The following LYRM4 variants were observed in gnomAD, a reference collection of about 807,000 sequenced individuals.
The protein encoded by LYRM4 is LYR motif containing 4, also known as LYR motif-containing protein 4.
A neutral mutation model predicts 11.7 loss-of-function variants in LYRM4; 9 were observed. The ratio of observed to expected loss-of-function variants is 0.77; its 90% CI spans 0.46 to 1.34. LYRM4 has a LOEUF of 1.34. Ranked by LOEUF, LYRM4 falls within the 40% of genes most tolerant of loss-of-function variation. LYRM4 has a pLI of 0.00. For synonymous variants in LYRM4, 42 were observed against 40.4 expected (o/e 1.04, Z -0.15); for missense variants, 133 against 112.5 (o/e 1.18, Z -0.82).
chr6:5,137,043 G>A (rs866518555), intron 2 of LYRM4, among the ~76,000 whole-genome samples: 2 of 152,074 alleles, frequency 1.3e-5, no homozygotes, highest in Non-Finnish European at 2.9e-5. Flanking sequence ...TTTCTGTCTC[G>A]ATGCATTTGC....
chr6:5,175,886 G>A (rs1983982), intron 2 of LYRM4, among the ~76,000 whole-genome samples: 104,489 of 151,878 alleles, frequency 0.69, 36,056 homozygotes, highest in East Asian at 0.84. Context: ...CTGCTCTACA[G>A]CTGCTGCTGA....
intron 1 of LYRM4, among the ~76,000 whole-genome samples, chr6:5,226,201 T>C (rs1324934336): frequency 2.0e-5 from 3 of 152,204 alleles, no homozygotes; most frequent in Admixed American, 2.0e-4. Context: ...ACACATCATA[T>C]GTATAAAAGC....
chr6:5,113,295 C>G (rs181076589), intron 2 of LYRM4: 3 of 448,310 alleles, frequency 6.7e-6, no homozygotes, highest in South Asian at 3.2e-5. Context: ...CATGGTGGCA[C>G]GCGCCAATAA....
chr6:5,223,743 T>C (rs1368368662), intron 1 of LYRM4, among the ~76,000 whole-genome samples: 2 of 152,046 alleles, frequency 1.3e-5, no homozygotes, highest in Non-Finnish European at 2.9e-5. Context: ...AATAATTGAG[T>C]TTAATTGTTT....
chr6:5,259,939 C>T (rs1764909696), intron 1 of LYRM4, among the ~76,000 whole-genome samples: 1 of 152,086 alleles, frequency 6.6e-6, no homozygotes, highest in African/African-American at 2.4e-5. Context: ...CAATAAAAGA[C>T]TCATAGGCAA....
At chr6:5,166,245 G>A (rs976550659) in intron 2 of LYRM4, among the ~76,000 whole-genome samples, 12 of 152,210 alleles carry the variant, frequency 7.9e-5, no homozygotes, top group South Asian at 4.2e-4. Context: ...TTTGAAAGCC[G>A]TTCATAGAAA....
chr6:5,223,629 T>C (rs937600135), intron 1 of LYRM4, among the ~76,000 whole-genome samples: 2 of 152,224 alleles, frequency 1.3e-5, no homozygotes, highest in Non-Finnish European at 2.9e-5. Context: ...TCAACTCTGC[T>C]TCAAGTGTTC....
chr6:5,260,263 A>G (rs1376091968), intron 1 of LYRM4, among the ~76,000 whole-genome samples: 1 of 152,116 alleles, frequency 6.6e-6, no homozygotes, highest in Non-Finnish European at 1.5e-5. Flanking sequence ...TCCACTCTCA[A>G]CTCTTCCAGT....
At chr6:5,256,676 C>T (rs926893051) in intron 1 of LYRM4, among the ~76,000 whole-genome samples, 1 of 152,060 alleles carries the variant, frequency 6.6e-6, no homozygotes, top group Non-Finnish European at 1.5e-5. Flanking sequence ...GTGCTGACTA[C>T]TGCAGTGCTC....
intron 2 of LYRM4, among the ~76,000 whole-genome samples, chr6:5,110,555 G>C (rs541669173): frequency 6.6e-6 from 1 of 152,302 alleles, no homozygotes; most frequent in South Asian, 2.1e-4. Context: ...TAATAACTAA[G>C]TGTTGCGGTG....
intron 2 of LYRM4, among the ~76,000 whole-genome samples, chr6:5,190,436 CT>C (rs2127690258): frequency 6.6e-6 from 1 of 152,228 alleles, no homozygotes; most frequent in African/African-American, 2.4e-5. Flanking sequence ...CTAATAGGCT[CT>C]GGCATTAAAT....
chr6:5,180,213 C>A (rs2127676998), intron 2 of LYRM4, among the ~76,000 whole-genome samples: 1 of 152,308 alleles, frequency 6.6e-6, no homozygotes, highest in East Asian at 1.9e-4. Flanking sequence ...GCAGTTTACA[C>A]CTCCTGCTGC....
At chr6:5,225,384 A>T (rs1762826400) in intron 1 of LYRM4, among the ~76,000 whole-genome samples, 1 of 152,122 alleles carries the variant, frequency 6.6e-6, no homozygotes, top group African/African-American at 2.4e-5. Flanking sequence ...CACAGTTGGC[A>T]GTTTCTTATA....
intron 2 of LYRM4, among the ~76,000 whole-genome samples, chr6:5,183,423 A>G (rs1760195291): frequency 6.6e-6 from 1 of 152,202 alleles, no homozygotes; most frequent in East Asian, 1.9e-4. Flanking sequence ...GCATATAAGC[A>G]ATGCATTAAA....
At chr6:5,071,825 G>A in the LYRM4 span, among the ~76,000 whole-genome samples, 1 of 152,076 alleles carries the variant, frequency 6.6e-6, no homozygotes, top group Non-Finnish European at 1.5e-5. Flanking sequence ...TGTGTTTTTA[G>A]TAGAGACGGG....
intron 2 of LYRM4, among the ~76,000 whole-genome samples, chr6:5,188,003 G>A (rs1581465327): frequency 6.6e-6 from 1 of 152,180 alleles, no homozygotes; most frequent in Non-Finnish European, 1.5e-5. Context: ...GAAAGGGAGA[G>A]GAGAAAAACT....
At chr6:5,061,897 A>G in the LYRM4 span, among the ~76,000 whole-genome samples, 1 of 152,182 alleles carries the variant, frequency 6.6e-6, no homozygotes, top group Non-Finnish European at 1.5e-5. Flanking sequence ...GTAATTCTCT[A>G]GCAATGGAGG....
chr6:5,082,600 C>A, the LYRM4 span, among the ~76,000 whole-genome samples: 484 of 152,342 alleles, frequency 3.2e-3, 3 homozygotes, highest in Middle Eastern at 6.8e-3. Flanking sequence ...AGTATGATCA[C>A]CCTTCACCAC....
intron 2 of LYRM4, among the ~76,000 whole-genome samples, chr6:5,114,644 G>T (rs1297077536): frequency 6.6e-6 from 1 of 151,932 alleles, no homozygotes; most frequent in Non-Finnish European, 1.5e-5. Context: ...TTAAATCAGG[G>T]GTGTCCAATC....
Sources: gnomAD v4.1 joint callset for allele counts (sites outside exome capture counted in the v4.1 genomes callset) on GRCh38, gnomAD v4.1.1 for gene constraint, MANE v1.5 for transcripts, NCBI Gene and HGNC (gene_info 2026-07-23, HGNC 2026-07-21) for gene names.